The following CFAP299 variants were observed in gnomAD, a reference collection of about 807,000 sequenced individuals.
CFAP299 encodes cilia and flagella associated protein 299.
In CFAP299, 21 loss-of-function variants were observed where a neutral mutation model predicts 27.0. The ratio of observed to expected loss-of-function variants is 0.78; its 90% CI spans 0.55 to 1.12. The LOEUF is 1.12. Ranked by LOEUF, CFAP299 falls within the 50% of genes most tolerant of loss-of-function variation. The probability of loss-of-function intolerance (pLI) is 0.00; values close to 1 mark genes in which losing one functional copy is unlikely to be tolerated. For missense variants in CFAP299, 310 were observed against 276.6 expected (o/e 1.12, Z -0.86); for synonymous variants, 104 against 98.1 (o/e 1.06, Z -0.36).
rs372979461 is a variant in CFAP299 at position 80,607,845 on chromosome 4, C to T, written c.333+24662C>T. ...CTGCAAAGGTGAAATACTTGCTTTC[C>T]ATTTCTTAATGCTGTGGGAATAGAA... On this transcript the variant is annotated intron_variant, in intron 3 of 5. Coordinates refer to ENST00000358105, the MANE Select transcript of CFAP299 (RefSeq NM_152770.3). Among the ~76,000 whole-genome samples, 10 of 152,088 alleles carry T rather than the reference C, an allele frequency of 6.6e-5. 1 individual carries two copies. Among genetic ancestry groups the T allele is most frequent in the East Asian group, 3.9e-4 (2 of 5,192 alleles).
At chr4:80,877,737 A>G (rs1215620307) in intron 4 of CFAP299, among the ~76,000 whole-genome samples, 1 of 152,200 alleles carries the variant, frequency 6.6e-6, no homozygotes, top group African/African-American at 2.4e-5. Flanking sequence ...CATTAAATAC[A>G]TTCAAATTTT....
At chr4:80,519,082 G>T (rs1222147751) in intron 2 of CFAP299, among the ~76,000 whole-genome samples, 1 of 152,194 alleles carries the variant, frequency 6.6e-6, no homozygotes, top group Middle Eastern at 3.4e-3. Context: ...AATTTTTTCT[G>T]CTTCATCTTT....
chr4:80,732,078 C>G (rs539500239), intron 3 of CFAP299, among the ~76,000 whole-genome samples: 9 of 151,176 alleles, frequency 6.0e-5, no homozygotes, highest in East Asian at 5.8e-4. Flanking sequence ...CAGACACACA[C>G]ACACACACAC....
At chr4:80,505,223 G>A (rs76746163) in intron 2 of CFAP299, among the ~76,000 whole-genome samples, 4,211 of 151,890 alleles carry the variant, frequency 0.028, 89 homozygotes, top group Middle Eastern at 0.062. Context: ...CAATAGATTA[G>A]GTACTGATTT....
At chr4:80,642,081 G>A (rs1739756212) in intron 3 of CFAP299, among the ~76,000 whole-genome samples, 1 of 152,194 alleles carries the variant, frequency 6.6e-6, no homozygotes, top group Non-Finnish European at 1.5e-5. Context: ...GCCAGTCTGA[G>A]GAGTTTGTAT....
chr4:80,624,826 G>A (rs574097136), intron 3 of CFAP299, among the ~76,000 whole-genome samples: 1 of 152,218 alleles, frequency 6.6e-6, no homozygotes, highest in African/African-American at 2.4e-5. Context: ...GAGAGAAGAG[G>A]TTGATAAATT....
intron 3 of CFAP299, among the ~76,000 whole-genome samples, chr4:80,801,068 C>T (rs562237188): frequency 6.6e-6 from 1 of 151,718 alleles, no homozygotes; most frequent in East Asian, 1.9e-4. Context: ...CCTTTCCCAG[C>T]CCACTGACTC....
intron 1 of CFAP299, among the ~76,000 whole-genome samples, chr4:80,359,215 T>C (rs935699294): frequency 6.6e-6 from 1 of 152,220 alleles, no homozygotes; most frequent in African/African-American, 2.4e-5. Flanking sequence ...TTTACCTTTA[T>C]AGGTGATCTG....
chr4:80,690,164 T>A lies in CFAP299; in HGVS notation c.333+106981T>A, dbSNP rs569797841. Among the ~76,000 whole-genome samples the A allele has an allele frequency of 2.9e-4, 41 of 140,560 alleles. 1 individual carries two copies. The highest frequency in any genetic ancestry group is 3.4e-3 in the Middle Eastern group (1 of 294). 92.2% of individuals were successfully genotyped at this position (140,560 alleles called of 152,430 possible). A position where few individuals can be genotyped will look rare whatever the true frequency, so the allele number is the denominator to read the frequency against. On this transcript the variant is annotated intron_variant, in intron 3 of 5. Coordinates refer to ENST00000358105, the MANE Select transcript of CFAP299 (RefSeq NM_152770.3). ...CAGAAAATCAACAAGGATACCCAGGTATTGAACTCAGCTCTGCACCAAGCA... is the reference window on the plus strand; with the variant it reads ...CAGAAAATCAACAAGGATACCCAGGAATTGAACTCAGCTCTGCACCAAGCA...
At chr4:80,740,484 G>A (rs1359897910) in intron 3 of CFAP299, among the ~76,000 whole-genome samples, 1 of 152,036 alleles carries the variant, frequency 6.6e-6, no homozygotes, top group African/African-American at 2.4e-5. Context: ...TAATCTCTCT[G>A]TGTGTGCTGA....
rs370744107 is a variant in CFAP299 at position 80,702,028 on chromosome 4, T to C, written c.333+118845T>C. 2.0e-5 allele frequency among the ~76,000 whole-genome samples: 3 copies of C among 151,994 alleles called. No individual in the cohort carries two copies. The East Asian group carries it at 5.8e-4, about 29-fold the overall frequency. ...ATGTGGTTGGAATGATATTAAGTCA[T>C]AGACACTCTGCCAGAACATATCTTT... On this transcript the variant is annotated intron_variant, in intron 3 of 5. Coordinates refer to ENST00000358105, the MANE Select transcript of CFAP299 (RefSeq NM_152770.3).
chr4:80,646,626 TCA>T, intron 3 of CFAP299, among the ~76,000 whole-genome samples: 1 of 152,320 alleles, frequency 6.6e-6, no homozygotes, highest in Middle Eastern at 3.4e-3. Flanking sequence ...AGGTCATGTA[TCA>T]CATTCATTCC....
intron 2 of CFAP299, among the ~76,000 whole-genome samples, chr4:80,424,049 C>G (rs1727422588): frequency 6.6e-6 from 1 of 152,218 alleles, no homozygotes; most frequent in Non-Finnish European, 1.5e-5. Flanking sequence ...TCAATGGGCC[C>G]TCCTGATGGA....
intron 2 of CFAP299, among the ~76,000 whole-genome samples, chr4:80,558,606 T>C (rs897577242): frequency 6.6e-6 from 1 of 151,856 alleles, no homozygotes; most frequent in Non-Finnish European, 1.5e-5. Flanking sequence ...CAGGCAGAGA[T>C]GATTTCATAG....
chr4:80,732,128 T>C (rs1375526419), intron 3 of CFAP299, among the ~76,000 whole-genome samples: 18 of 151,666 alleles, frequency 1.2e-4, no homozygotes, highest in Admixed American at 1.2e-3. Context: ...GTAGACAATC[T>C]AAGCAGGAAA....
intron 2 of CFAP299, among the ~76,000 whole-genome samples, chr4:80,523,392 T>A (rs1193600676): frequency 2.0e-5 from 3 of 152,188 alleles, no homozygotes; most frequent in Non-Finnish European, 4.4e-5. Context: ...TTACTAATTA[T>A]AAAATAATAG....
At chr4:80,865,924 T>TGGGGGGTGGGGG (rs1336686637) in intron 3 of CFAP299, among the ~76,000 whole-genome samples, 1 of 17,694 alleles carries the variant, frequency 5.7e-5, no homozygotes, top group Non-Finnish European at 1.1e-4. Flanking sequence ...TGTTGTGGGG[T>TGGGGGGTGGGGG]GGGGGGAGGG....
At chr4:80,497,463 G>C (rs1223228238) in intron 2 of CFAP299, among the ~76,000 whole-genome samples, 1 of 151,912 alleles carries the variant, frequency 6.6e-6, no homozygotes, top group African/African-American at 2.4e-5. Context: ...TATTCTAAAG[G>C]TAACTTTTTA....
intron 2 of CFAP299, among the ~76,000 whole-genome samples, chr4:80,391,335 A>G (rs1725469798): frequency 6.6e-6 from 1 of 152,170 alleles, no homozygotes; most frequent in Non-Finnish European, 1.5e-5. Flanking sequence ...ATTCCTACCA[A>G]TAGTATGCAA....
Sources: gnomAD v4.1 joint callset for allele counts (sites outside exome capture counted in the v4.1 genomes callset) on GRCh38, gnomAD v4.1.1 for gene constraint, MANE v1.5 for transcripts, NCBI Gene and HGNC (gene_info 2026-07-23, HGNC 2026-07-21) for gene names.